Variants in FBN2 observed in about 807,000 individuals in gnomAD.
The protein encoded by FBN2 is fibrillin 2, also known as fibrillin-2.
Under a neutral mutation model 355.6 loss-of-function variants are expected in FBN2, and 105 were observed. That is an observed-to-expected ratio of 0.30 (90% CI 0.25 to 0.35). The LOEUF is 0.35. FBN2 is among the 10% of genes least tolerant of loss of function. The probability of loss-of-function intolerance (pLI) is 1.00; values close to 1 mark genes in which losing one functional copy is unlikely to be tolerated. For synonymous variants in FBN2, 1,350 were observed against 1,301.2 expected, an observed-to-expected ratio of 1.04 and a Z score of -0.81; for missense variants, 3,280 against 3,758.7, an observed-to-expected ratio of 0.87 and a Z score of 3.33.
chr5:128,474,127 A>G (rs1754947277), intron 5 of FBN2, among the ~76,000 whole-genome samples: 1 of 152,220 alleles, frequency 6.6e-6, no homozygotes, highest in Non-Finnish European at 1.5e-5. Flanking sequence ...TGTGGTCCTC[A>G]AATTCACAGC....
chr5:128,464,743 G>C lies in FBN2; in HGVS notation c.807C>G (p.Ile269Met). Residue 269 changes from isoleucine to methionine, a missense_variant, in exon 6 of 65, where the codon ATC (isoleucine) becomes ATG (methionine). By Grantham distance (10) the Ile-to-Met change is conservative. Around this residue, in one of 6 missense-constraint regions of FBN2, gnomAD observed 343 missense variants for 331.0 expected, o/e 1.04. Coordinates refer to ENST00000262464, the MANE Select transcript of FBN2 (RefSeq NM_001999.4). ...ACTCACCTTGGCAAGCTCCAGTGCGGATGTTGGGGATGAAACCCCGTCGGC... is the reference window on the plus strand; with the variant it reads ...ACTCACCTTGGCAAGCTCCAGTGCGCATGTTGGGGATGAAACCCCGTCGGC... Reference protein sequence around the residue: ...QPCRRGFIPNIRTGACQDVDE... With the variant: ...QPCRRGFIPNMRTGACQDVDE... The C allele has an allele frequency of 2.5e-6, 4 of 1,613,746 alleles. No homozygotes were observed. Among genetic ancestry groups the C allele is most frequent in the South Asian group, 2.2e-5 (2 of 91,052 alleles).
intron 55 of FBN2, 38 bp from the exon 56 acceptor site, chr5:128,280,355 G>A (rs1276568037): frequency 6.5e-7 from 1 of 1,537,018 alleles, no homozygotes; most frequent in Admixed American, 1.7e-5. Context: ...TGAGAAAACT[G>A]TCAAATTATA....
chr5:128,393,425 A>T lies in FBN2; in HGVS notation c.1232-57T>A, dbSNP rs544939814. 6.2e-6 allele frequency: 9 copies of T among 1,453,650 alleles called. No individual in the cohort carries two copies. The Admixed American group carries it at 1.5e-4, about 25-fold the overall frequency. The allele number at this position is 1,453,650 out of a possible 1,614,324, so 90.0% of individuals were successfully genotyped here. On this transcript the variant is annotated intron_variant, in intron 9 of 64. Coordinates refer to ENST00000262464, the MANE Select transcript of FBN2 (RefSeq NM_001999.4). ...GGTGAATGTCTTTCTGCATAACAAA[A>T]GCCATTGGTACACTGTACTAAGTCA...
In FBN2 at chr5:128,338,099, G is replaced by T. The variant is rs1750894251; in HGVS notation, c.3496C>A (p.Pro1166Thr). Residue 1166 changes from proline to threonine, a missense_variant, in exon 27 of 65, where the codon CCT becomes ACT. Coordinates refer to ENST00000262464, the MANE Select transcript of FBN2 (RefSeq NM_001999.4). ...CMDIDECERNPLLCRGGTCVN... is the reference protein window; with the variant it reads ...CMDIDECERNTLLCRGGTCVN... ...CAGGTGCCACCCCTACAAAGGAGAG[G>T]GTTACGTTCACATTCGTCAATGTCT... 1 of 1,614,058 alleles carries T rather than the reference G, an allele frequency of 6.2e-7. No individual in the cohort carries two copies. Among genetic ancestry groups the T allele is most frequent in the Admixed American group, 1.7e-5 (1 of 60,022 alleles).
chr5:128,359,951 C>T (rs1329070109), intron 19 of FBN2, among the ~76,000 whole-genome samples: 6 of 152,084 alleles, frequency 3.9e-5, no homozygotes, highest in Non-Finnish European at 8.8e-5. Flanking sequence ...CCATTTAGTT[C>T]CGCATTACGT....
intron 34 of FBN2, 103 bp downstream of exon 34, chr5:128,328,593 C>G (rs554554721): frequency 3.4e-6 from 4 of 1,175,678 alleles, no homozygotes; most frequent in East Asian, 2.4e-5. Context: ...GCAGCATGTG[C>G]TATGTATTCT....
chr5:128,361,540 T>C (rs536424612), intron 19 of FBN2, among the ~76,000 whole-genome samples, 183 bp downstream of exon 19: 1 of 152,374 alleles, frequency 6.6e-6, no homozygotes, highest in African/African-American at 2.4e-5. Flanking sequence ...ACAAAATTGA[T>C]GGTGTTTGTA....
chr5:128,350,111 G>T, intron 21 of FBN2, 106 bp from the exon 22 acceptor site: 1 of 944,036 alleles, frequency 1.1e-6, no homozygotes, highest in African/African-American at 1.6e-5. Context: ...AATAAAAAAT[G>T]CAAGGCAGGG....
intron 25 of FBN2, among the ~76,000 whole-genome samples, chr5:128,342,591 G>A (rs1751054986): frequency 6.6e-6 from 1 of 152,176 alleles, no homozygotes; most frequent in Admixed American, 6.5e-5. Flanking sequence ...ATGCTAGAGA[G>A]AGGAGAGAGG....
chr5:128,519,426 T>C, intron 4 of FBN2, 58 bp from the exon 5 acceptor site: 3 of 1,256,000 alleles, frequency 2.4e-6, no homozygotes, highest in South Asian at 2.4e-5. Context: ...CACAATATAG[T>C]AGTGCAGTGA....
intron 31 of FBN2, among the ~76,000 whole-genome samples, chr5:128,333,330 T>G (rs1182393430): frequency 2.0e-5 from 3 of 152,132 alleles, no homozygotes; most frequent in African/African-American, 7.2e-5. Flanking sequence ...TGGGGCCTTC[T>G]TCCCTGCCCA....
intron 19 of FBN2, among the ~76,000 whole-genome samples, chr5:128,358,233 TA>T (rs534645596): frequency 2.6e-5 from 4 of 152,052 alleles, no homozygotes; most frequent in Admixed American, 6.6e-5. Flanking sequence ...TAAAGTACTA[TA>T]AAAAAAATCA....
At chr5:128,494,444 T>A (rs1016256820) in intron 5 of FBN2, among the ~76,000 whole-genome samples, 17 of 152,048 alleles carry the variant, frequency 1.1e-4, no homozygotes, top group Non-Finnish European at 1.8e-4. Context: ...CTTTTTGGAG[T>A]CAGAGGCTCA....
At chr5:128,461,264 A>T (rs1434564532) in intron 6 of FBN2, among the ~76,000 whole-genome samples, 1 of 152,220 alleles carries the variant, frequency 6.6e-6, no homozygotes, top group East Asian at 1.9e-4. Flanking sequence ...GCTCATCATC[A>T]CTGATCATCA....
intron 7 of FBN2, among the ~76,000 whole-genome samples, chr5:128,430,698 G>A (rs1030446303): frequency 7.9e-5 from 12 of 151,912 alleles, no homozygotes; most frequent in African/African-American, 2.9e-4. Context: ...ACAAAAATCA[G>A]CCAGGTGTGG....
intron 27 of FBN2, among the ~76,000 whole-genome samples, chr5:128,337,458 G>A (rs892740141): frequency 5.9e-5 from 9 of 152,188 alleles, no homozygotes; most frequent in Admixed American, 3.9e-4. Context: ...CATGTATTGT[G>A]AAAAGCAATA....
chr5:128,368,368 G>C (rs1206424636), intron 16 of FBN2, among the ~76,000 whole-genome samples: 3 of 149,860 alleles, frequency 2.0e-5, no homozygotes, highest in East Asian at 2.0e-4. Flanking sequence ...AGACCACTTG[G>C]TGTCAAGATA....
At chr5:128,443,889 GC>G (rs894835778) in intron 7 of FBN2, among the ~76,000 whole-genome samples, 1 of 151,884 alleles carries the variant, frequency 6.6e-6, no homozygotes, top group African/African-American at 2.4e-5. Flanking sequence ...TTTATTTAGA[GC>G]AAACATTACA....
At chr5:128,522,298 C>T (rs1202387139) in intron 4 of FBN2, among the ~76,000 whole-genome samples, 1 of 152,118 alleles carries the variant, frequency 6.6e-6, no homozygotes, top group East Asian at 1.9e-4. Context: ...AACAAACTCC[C>T]GCACATCAAA....
Sources: gnomAD v4.1 joint callset for allele counts (sites outside exome capture counted in the v4.1 genomes callset) on GRCh38, gnomAD v4.1.1 for gene constraint, gnomAD v4.1.1 regional missense constraint, MANE v1.5 for transcripts, NCBI Gene and HGNC (gene_info 2026-07-23, HGNC 2026-07-21) for gene names.